The following BBX variants were observed in gnomAD, a reference collection of about 807,000 sequenced individuals.
The protein encoded by BBX is HMG box transcription factor BBX.
In BBX, 30 loss-of-function variants were observed where a neutral mutation model predicts 100.2. The ratio of observed to expected loss-of-function variants is 0.30; its 90% CI spans 0.22 to 0.41. The LOEUF (loss-of-function observed/expected upper bound fraction) is 0.41. Among genes scored for constraint, BBX ranks in the 10% least tolerant of loss-of-function variants. The pLI is 1.00. For synonymous variants in BBX, 376 were observed against 388.1 expected, an observed-to-expected ratio of 0.97 and a Z score of 0.37; for missense variants, 1,023 against 1,129.8, an observed-to-expected ratio of 0.91 and a Z score of 1.35.
chr3:107,791,215 T>G (rs755775189), intron 14 of BBX, 25 bp from the exon 15 acceptor site: 1 of 1,606,414 alleles, frequency 6.2e-7, no homozygotes, highest in South Asian at 1.1e-5. Flanking sequence ...TTCACTTTTC[T>G]TTCCTTTTCT....
intron 17 of BBX, 123 bp from the exon 18 acceptor site, chr3:107,805,247 A>G: frequency 9.1e-7 from 1 of 1,096,338 alleles, no homozygotes; most frequent in Non-Finnish European, 1.3e-6. Context: ...TTTTCATTAA[A>G]TGATGTAAGT....
intron 14 of BBX, among the ~76,000 whole-genome samples, chr3:107,790,166 TCTTGACCA>T (rs1189506926): frequency 6.6e-6 from 1 of 152,206 alleles, no homozygotes; most frequent in African/African-American, 2.4e-5. Context: ...AATTCAGTCT[TCTTGACCA>T]CTTATCCATT....
chr3:107,596,770 A>G (rs1033491257), intron 2 of BBX, among the ~76,000 whole-genome samples: 1 of 152,184 alleles, frequency 6.6e-6, no homozygotes, highest in African/African-American at 2.4e-5. Flanking sequence ...ATCTAGAATA[A>G]TTTAAAATTA....
rs182111237 is a variant in BBX at position 107,742,060 on chromosome 3, C to T, written c.670-2570C>T. 4.2e-4 allele frequency among the ~76,000 whole-genome samples: 64 copies of T among 152,252 alleles called. 1 individual carries two copies. In the East Asian group the frequency reaches 8.1e-3, roughly 19 times the overall value. ...TGTCTAACCTGTATCACACAGATTT[C>T]TGCCTTCTTAATAAATGATATATTT... On this transcript the variant is annotated intron_variant, in intron 7 of 17. Transcript: ENST00000325805.
chr3:107,664,698 CT>C (rs2107880942), intron 3 of BBX, among the ~76,000 whole-genome samples: 1 of 152,326 alleles, frequency 6.6e-6, no homozygotes, highest in Admixed American at 6.5e-5. Flanking sequence ...TAAATGTTCT[CT>C]TGCAATAAAT....
intron 5 of BBX, among the ~76,000 whole-genome samples, chr3:107,720,874 G>T (rs950568962): frequency 2.0e-5 from 3 of 151,666 alleles, no homozygotes; most frequent in African/African-American, 7.3e-5. Flanking sequence ...CCTTATTTTG[G>T]GTTCATCAGA....
At chr3:107,596,485 T>C (rs542259781) in intron 2 of BBX, among the ~76,000 whole-genome samples, 1 of 152,116 alleles carries the variant, frequency 6.6e-6, no homozygotes, top group Admixed American at 6.5e-5. Flanking sequence ...ACCCAGAGAG[T>C]TTCAGTGCCT....
intron 2 of BBX, among the ~76,000 whole-genome samples, chr3:107,571,718 C>T (rs1378036967): frequency 6.6e-6 from 1 of 152,202 alleles, no homozygotes; most frequent in Non-Finnish European, 1.5e-5. Flanking sequence ...AAATGTCACG[C>T]GAGTCTATGT....
chr3:107,752,110 A>G (rs1049818606), intron 9 of BBX, among the ~76,000 whole-genome samples: 3 of 152,206 alleles, frequency 2.0e-5, no homozygotes, highest in Non-Finnish European at 4.4e-5. Context: ...GAAAAATTAT[A>G]TTTACCTTGA....
intron 10 of BBX, among the ~76,000 whole-genome samples, chr3:107,766,172 G>A (rs1410311349): frequency 6.6e-6 from 1 of 152,162 alleles, no homozygotes; most frequent in Non-Finnish European, 1.5e-5. Flanking sequence ...CAAGGTCAAT[G>A]AGAATGTCTG....
intron 3 of BBX, among the ~76,000 whole-genome samples, chr3:107,700,687 T>C (rs2060976362): frequency 6.7e-6 from 1 of 148,340 alleles, no homozygotes; most frequent in Admixed American, 6.8e-5. Context: ...GAACATGCGG[T>C]GTTTGGTTTT....
intron 2 of BBX, among the ~76,000 whole-genome samples, chr3:107,623,073 C>T (rs977455500): frequency 6.6e-6 from 1 of 152,148 alleles, no homozygotes; most frequent in Admixed American, 6.5e-5. Flanking sequence ...TCATAAATAA[C>T]TTGAAGGAAT....
chr3:107,699,009 A>G (rs2060860292), intron 3 of BBX, among the ~76,000 whole-genome samples: 1 of 151,854 alleles, frequency 6.6e-6, no homozygotes, highest in African/African-American at 2.4e-5. Flanking sequence ...TTCAGGGAAC[A>G]GTCCTAGAAC....
Position 107,778,468 on chromosome 3 carries a change from A to C in BBX, c.2152A>C (p.Lys718Gln), listed in dbSNP as rs1399098111. The C allele has an allele frequency of 1.2e-6, 2 of 1,613,456 alleles. No individual in the cohort carries two copies. Among genetic ancestry groups the C allele is most frequent in the South Asian group, 2.2e-5 (2 of 91,078 alleles). ...CCGGAAATGTGTACCTGTCCCAAGA[A>C]AAAAGAAGAAGACTGGAAATGTGTC... ...FDRKCVPVPR[K>Q]KKKTGNVSSE... Residue 718 changes from lysine (K) to glutamine (Q), a missense_variant, in exon 13 of 18, where the codon AAA (lysine) becomes CAA (glutamine). Lys to Gln is a moderately conservative substitution (Grantham distance 53). Around this residue, in one of 9 missense-constraint regions of BBX, gnomAD observed 215 missense variants for 211.3 expected, o/e 1.02. Transcript: ENST00000325805.
In BBX at chr3:107,710,495, C is replaced by T. The variant is rs754201392; in HGVS notation, c.35C>T (p.Ala12Val). ...AGTAATAGAAATAAGGATCATTCAGCAGAAGGAGAAGGGGTTGGAAAACGA... is the reference window on the plus strand; with the variant it reads ...AGTAATAGAAATAAGGATCATTCAGTAGAAGGAGAAGGGGTTGGAAAACGA... ...KGSNRNKDHS[A>V]EGEGVGKRPK... The change falls in exon 4 of 18, where the codon GCA becomes GTA. Residue 12 changes from alanine (A) to valine (V), a missense_variant. This residue lies in a region of BBX where 229 missense variants were observed against 226.3 expected (regional missense o/e 1.01). Coordinates refer to ENST00000325805, the MANE Select transcript of BBX (RefSeq NM_001142568.3). The T allele has an allele frequency of 6.2e-7, 1 of 1,613,300 alleles. No homozygotes were observed. Among genetic ancestry groups the T allele is most frequent in the South Asian group, 1.1e-5 (1 of 90,992 alleles).
At chr3:107,601,996 T>C (rs526034) in intron 2 of BBX, among the ~76,000 whole-genome samples, 127,326 of 152,174 alleles carry the variant, frequency 0.84, 53,937 homozygotes, top group East Asian at 1. Flanking sequence ...ATATCAGGAC[T>C]CTTAAGGATT....
At chr3:107,688,020 A>C (rs1254949706) in intron 3 of BBX, among the ~76,000 whole-genome samples, 2 of 152,128 alleles carry the variant, frequency 1.3e-5, no homozygotes, top group Non-Finnish European at 2.9e-5. Flanking sequence ...GCACCACAGC[A>C]CTCTAGCCTG....
chr3:107,794,424 G>A (rs2069388530), intron 15 of BBX, among the ~76,000 whole-genome samples: 1 of 151,484 alleles, frequency 6.6e-6, no homozygotes, highest in African/African-American at 2.4e-5. Flanking sequence ...AATATAAATG[G>A]TATTTCACAA....
chr3:107,646,261 G>GT (rs137866570), intron 3 of BBX, among the ~76,000 whole-genome samples: 17,766 of 152,066 alleles, frequency 0.12, 1,379 homozygotes, highest in Middle Eastern at 0.19. Flanking sequence ...CCCAAAAGCT[G>GT]TTTTTTGTAC....
Sources: allele counts gnomAD v4.1 joint callset (sites outside exome capture counted in the v4.1 genomes callset), GRCh38; gene constraint gnomAD v4.1.1; regional missense constraint gnomAD v4.1.1; transcripts MANE v1.5; gene names NCBI Gene and HGNC (gene_info 2026-07-23, HGNC 2026-07-21).